The following RFX2 variants were observed in gnomAD, a reference collection of about 807,000 sequenced individuals.
RFX2 encodes regulatory factor X2, also known as DNA-binding protein RFX2.
RFX2 carries 20 observed loss-of-function variants against 87.8 expected under a neutral mutation model. The ratio of observed to expected loss-of-function variants is 0.23; its 90% CI spans 0.16 to 0.33. RFX2 has a LOEUF of 0.33. Among genes scored for constraint, RFX2 ranks in the 10% least tolerant of loss-of-function variants. RFX2 has a pLI of 1.00. For missense variants in RFX2, 767 were observed against 1,012.3 expected (o/e 0.76, Z 3.29); for synonymous variants, 397 against 431.3 (o/e 0.92, Z 0.98).
At chr19:6,035,850 G>GTGTGT (rs1555776253) in intron 5 of RFX2, among the ~76,000 whole-genome samples, 15,198 of 137,106 alleles carry the variant, frequency 0.11, 829 homozygotes, top group African/African-American at 0.15. Context: ...CTTGGTGGGG[G>GTGTGT]GTGTGTGTGT....
rs986603477 is a variant in RFX2, at chr19:5,998,343, C to T, written c.1860-1130G>A. On this transcript the variant is annotated intron_variant, in intron 15 of 17. Coordinates refer to ENST00000303657, the MANE Select transcript of RFX2 (RefSeq NM_000635.4). This position sits in a 1 kb window ranked among gnomAD's most constrained non-coding sequence, Gnocchi z 4.2. The stretch of plus-strand genomic sequence containing the variant: ...AATGAAGTGGAACAATGTCTCAGTC[C>T]TCCTATAAGACCTAAAGGACTTATA... Among the ~76,000 whole-genome samples, 4 of 152,144 alleles carry T rather than the reference C, an allele frequency of 2.6e-5. No individual in the cohort carries two copies. The highest frequency in any genetic ancestry group is 4.8e-5 in the African/African-American group (2 of 41,432).
At chr19:6,077,599 A>C (rs1360141394) in intron 1 of RFX2, among the ~76,000 whole-genome samples, 1 of 152,240 alleles carries the variant, frequency 6.6e-6, no homozygotes, top group Non-Finnish European at 1.5e-5. Flanking sequence ...GCATGGCCAC[A>C]CAAATGCTTG....
At chr19:6,058,229 G>A (rs1302052917) in intron 1 of RFX2, among the ~76,000 whole-genome samples, 2 of 152,150 alleles carry the variant, frequency 1.3e-5, no homozygotes, top group Non-Finnish European at 2.9e-5. Context: ...CCTGGCCTCC[G>A]CTCACTCCAT....
intron 1 of RFX2, among the ~76,000 whole-genome samples, chr19:6,108,762 C>A (rs2088260470): frequency 1.3e-5 from 2 of 152,158 alleles, no homozygotes; most frequent in South Asian, 4.1e-4. Context: ...TGCCCTCTCC[C>A]CTCCCCATTC....
At chr19:6,095,921 T>C (rs995918036) in intron 1 of RFX2, among the ~76,000 whole-genome samples, 1 of 152,232 alleles carries the variant, frequency 6.6e-6, no homozygotes, top group Non-Finnish European at 1.5e-5. Context: ...TCAGCATCCA[T>C]AAATAAAGTT....
chr19:6,040,751 C>T lies in RFX2; in HGVS notation c.261-510G>A, dbSNP rs1410454336. 6.6e-6 allele frequency among the ~76,000 whole-genome samples: 1 copy of T among 151,996 alleles called. No homozygotes were observed. Among genetic ancestry groups the T allele is most frequent in the Non-Finnish European group, 1.5e-5 (1 of 68,008 alleles). The stretch of plus-strand genomic sequence containing the variant: ...TTTAGCCTGGGCAACAGAGCAAGAC[C>T]CTATCTCTTAAAAAAAATAAATACA... On this transcript the variant is annotated intron_variant, in intron 4 of 17. Coordinates refer to ENST00000303657, the MANE Select transcript of RFX2 (RefSeq NM_000635.4). This position sits in a 1 kb window ranked among gnomAD's most constrained non-coding sequence, Gnocchi z 6.1.
rs1222420968 is a variant in RFX2 at position 6,083,429 on chromosome 19, CA to C, written c.-9+26963del. Among the ~76,000 whole-genome samples, 1 of 151,846 alleles carries C rather than the reference CA, an allele frequency of 6.6e-6. No individual in the cohort carries two copies. Among genetic ancestry groups the C allele is most frequent in the Admixed American group, 6.6e-5 (1 of 15,230 alleles). The stretch of plus-strand genomic sequence containing the variant: ...TTAATTTCATATCATTTTCATGTGT[CA>C]CAAAATATTTTGTCTTGTTTCCAAT... On this transcript the variant is annotated intron_variant, in intron 1 of 17. Transcript: ENST00000303657. This position sits in a 1 kb window ranked among gnomAD's most constrained non-coding sequence, Gnocchi z 4.6.
At chr19:6,006,212 G>T (rs1463355658) in intron 12 of RFX2, among the ~76,000 whole-genome samples, 3 of 152,124 alleles carry the variant, frequency 2.0e-5, no homozygotes, top group African/African-American at 4.8e-5. Flanking sequence ...CCAGGCTGGA[G>T]TGCAGTGGTG....
chr19:6,087,767 G>A (rs1446339599), intron 1 of RFX2, among the ~76,000 whole-genome samples: 1 of 152,174 alleles, frequency 6.6e-6, no homozygotes, highest in Non-Finnish European at 1.5e-5. Flanking sequence ...TGATATCATG[G>A]AAATAGCTTT....
At chr19:5,996,287 C>T (rs1388263065) in intron 16 of RFX2, among the ~76,000 whole-genome samples, 1 of 152,288 alleles carries the variant, frequency 6.6e-6, no homozygotes, top group Admixed American at 6.5e-5. Flanking sequence ...CACGCAGCCC[C>T]GTTCACGACG....
intron 5 of RFX2, among the ~76,000 whole-genome samples, chr19:6,038,241 C>T (rs945068856): frequency 1.4e-5 from 2 of 141,656 alleles, no homozygotes; most frequent in Non-Finnish European, 1.5e-5. Context: ...GCAGGAGAAT[C>T]GCTTGAACCC....
In RFX2 at chr19:6,004,558, C is replaced by T. The variant is rs570721040; in HGVS notation, c.1403-260G>A. Among the ~76,000 whole-genome samples, 9 of 152,238 alleles carry T rather than the reference C, an allele frequency of 5.9e-5. No homozygotes were observed. Among genetic ancestry groups the T allele is most frequent in the East Asian group, 5.8e-4 (3 of 5,164 alleles). ...GGGGACACTGGGCAATGTCTGGGGA[C>T]GTTAATGGTGGTCATGACTGCAGGG... On this transcript the variant is annotated intron_variant, in intron 12 of 17. Transcript: ENST00000303657. This position sits in a 1 kb window ranked among gnomAD's most constrained non-coding sequence, Gnocchi z 4.8.
chr19:6,082,019 G>A (rs1006176064), intron 1 of RFX2, among the ~76,000 whole-genome samples: 2 of 152,026 alleles, frequency 1.3e-5, no homozygotes, highest in Non-Finnish European at 2.9e-5. Context: ...ACCTGGAGGC[G>A]GAGCTTGCAG....
At position 6,050,605 on chromosome 19, in the gene RFX2, G is replaced by A. The variant is rs1167843483; in HGVS notation, c.-8-3101C>T. 2.0e-5 allele frequency among the ~76,000 whole-genome samples: 3 copies of A among 152,054 alleles called. No individual in the cohort carries two copies. The highest frequency in any genetic ancestry group is 7.2e-5 in the African/African-American group (3 of 41,418). On this transcript the variant is annotated intron_variant, in intron 1 of 17. Transcript: ENST00000303657. The surrounding 1 kb of genome is among the most constrained non-coding windows in gnomAD (Gnocchi z 4.6). Reference sequence around the variant, plus strand: ...ACTCAACAGCTGGTTAAAGATAATGGAAAGAGTTAGTGAACTTAACAATAG... The same window carrying A: ...ACTCAACAGCTGGTTAAAGATAATGAAAAGAGTTAGTGAACTTAACAATAG...
At chr19:6,106,181 G>C (rs1271867294) in intron 1 of RFX2, among the ~76,000 whole-genome samples, 2 of 152,010 alleles carry the variant, frequency 1.3e-5, no homozygotes, top group Admixed American at 6.6e-5. Context: ...AAGCAAGTAG[G>C]TGGTTTTCAG....
At chr19:6,091,462 A>C (rs1359333743) in intron 1 of RFX2, among the ~76,000 whole-genome samples, 3 of 151,766 alleles carry the variant, frequency 2.0e-5, no homozygotes, top group Non-Finnish European at 4.4e-5. Context: ...AAAAAAAAAA[A>C]GGTGAATTGT....
chr19:6,081,829 T>C (rs1029328953), intron 1 of RFX2, among the ~76,000 whole-genome samples: 3 of 152,202 alleles, frequency 2.0e-5, no homozygotes, highest in African/African-American at 7.2e-5. Context: ...GGCTCACGCT[T>C]GTAATCCCAG....
intron 5 of RFX2, among the ~76,000 whole-genome samples, chr19:6,028,561 A>G (rs140588581): frequency 3.0e-4 from 46 of 152,342 alleles, no homozygotes; most frequent in Admixed American, 7.8e-4. Context: ...TCTTGAGCTG[A>G]CATCCATGAC....
In RFX2 at chr19:6,047,546, A is replaced by G. The variant is rs368489440; in HGVS notation, c.-8-42T>C. 6.7e-6 allele frequency: 10 copies of G among 1,503,236 alleles called. No individual in the cohort carries two copies. The African/African-American group carries it at 1.4e-4, about 21-fold the overall frequency. The allele number at this position is 1,503,236 out of a possible 1,614,324, so 93.1% of individuals were successfully genotyped here. A position where few individuals can be genotyped will look rare whatever the true frequency, so the allele number is the denominator to read the frequency against. ...AGAGATTGGGTGGGCAAGGGCTGCA[A>G]GCACTGAAATCCGAAGAGGCAACTA... On this transcript the variant is annotated intron_variant, in intron 1 of 17. Transcript: ENST00000303657. The surrounding 1 kb of genome is among the most constrained non-coding windows in gnomAD (Gnocchi z 4.2).
Sources: allele counts gnomAD v4.1 joint callset (sites outside exome capture counted in the v4.1 genomes callset), GRCh38; gene constraint gnomAD v4.1.1; non-coding constraint Gnocchi (gnomAD v3.1); transcripts MANE v1.5; gene names NCBI Gene and HGNC (gene_info 2026-07-23, HGNC 2026-07-21).